PTCHD4: variants seen among roughly 807,000 people sequenced by gnomAD.
PTCHD4 encodes the protein patched domain containing 4.
Under a neutral mutation model 58.1 loss-of-function variants are expected in PTCHD4, and 33 were observed. That is an observed-to-expected ratio of 0.57 (90% CI 0.43 to 0.76). PTCHD4 has a LOEUF of 0.76. PTCHD4 is among the 30% of genes least tolerant of loss of function. PTCHD4 has a pLI of 0.00. For missense variants in PTCHD4, 1,058 were observed against 1,027.1 expected (o/e 1.03, Z -0.41); for synonymous variants, 478 against 409.6 (o/e 1.17, Z -2.02).
intron 4 of PTCHD4, among the ~76,000 whole-genome samples, chr6:48,006,234 G>A (rs1762435105): frequency 6.6e-6 from 1 of 152,188 alleles, no homozygotes; most frequent in South Asian, 2.1e-4. Context: ...TGGGAGAGGT[G>A]CAAAGTGTGT....
At chr6:48,067,048 A>G (rs1764823253) in intron 3 of PTCHD4, among the ~76,000 whole-genome samples, 1 of 152,148 alleles carries the variant, frequency 6.6e-6, no homozygotes, top group Non-Finnish European at 1.5e-5. Flanking sequence ...CTTCACATAC[A>G]TTAAAAAAAT....
rs539651059 is a variant in PTCHD4, at chr6:47,916,122, A to G, written c.899-36186T>C. On this transcript the variant is annotated intron_variant, in intron 4 of 4. Coordinates refer to ENST00000339488, the MANE Select transcript of PTCHD4 (RefSeq NM_001384253.1). ...ACAAAGTGCTGAAGGCTGCTGGAGG[A>G]CCTGACATCAGTGGAGTGAGAAGGG... Among the ~76,000 whole-genome samples the G allele has an allele frequency of 7.9e-5, 12 of 152,208 alleles. No homozygotes were observed. The East Asian group carries it at 2.3e-3, about 29-fold the overall frequency.
At position 47,858,981 on chromosome 6, in the gene PTCHD4, A is replaced by G. The variant is rs1462025225; in HGVS notation, c.*19322T>C. On this transcript the variant is annotated 3_prime_UTR_variant, in exon 5 of 5. Coordinates refer to ENST00000339488, the MANE Select transcript of PTCHD4 (RefSeq NM_001384253.1). ...AAGCATCTGTTTTTGAGACTAATCA[A>G]TGAATCATTAATGTGAGCTTGGAAA... Among the ~76,000 whole-genome samples, 1 of 152,086 alleles carries G rather than the reference A, an allele frequency of 6.6e-6. No homozygotes were observed. The highest frequency in any genetic ancestry group is 1.5e-5 in the Non-Finnish European group (1 of 67,986).
intron 4 of PTCHD4, among the ~76,000 whole-genome samples, chr6:47,939,480 C>A (rs1158930580): frequency 2.0e-5 from 3 of 151,924 alleles, no homozygotes; most frequent in Non-Finnish European, 4.4e-5. Flanking sequence ...GACCCAGAAG[C>A]GAGTAGTGGA....
chr6:48,108,920 T>C (rs1257324904), intron 1 of PTCHD4, among the ~76,000 whole-genome samples: 2 of 151,824 alleles, frequency 1.3e-5, no homozygotes, highest in Admixed American at 6.6e-5. Context: ...AATTCACTAA[T>C]AACATTATGA....
At chr6:47,980,960 T>C (rs931755264) in intron 4 of PTCHD4, among the ~76,000 whole-genome samples, 2 of 152,094 alleles carry the variant, frequency 1.3e-5, no homozygotes, top group Non-Finnish European at 2.9e-5. Flanking sequence ...GTTTACTCCA[T>C]TGGAGTTTTT....
intron 1 of PTCHD4, among the ~76,000 whole-genome samples, chr6:48,103,117 G>C (rs1765643006): frequency 6.6e-6 from 1 of 152,224 alleles, no homozygotes; most frequent in Non-Finnish European, 1.5e-5. Context: ...GGTTCTCCCA[G>C]CATGCAGCTT....
chr6:47,990,109 T>C (rs1446470753), intron 4 of PTCHD4, among the ~76,000 whole-genome samples: 2 of 152,090 alleles, frequency 1.3e-5, no homozygotes, highest in Non-Finnish European at 2.9e-5. Flanking sequence ...CCCTGCTGGA[T>C]TTCAGACCCC....
At chr6:47,882,159 G>C (rs1764036044) in intron 4 of PTCHD4, among the ~76,000 whole-genome samples, 1 of 152,086 alleles carries the variant, frequency 6.6e-6, no homozygotes, top group South Asian at 2.1e-4. Flanking sequence ...TCTTTAATGA[G>C]AGCATCTCTC....
In PTCHD4 at chr6:47,864,923, TTTATG is replaced by T. The variant is rs1763518908; in HGVS notation, c.*13375_*13379del. On this transcript the variant is annotated 3_prime_UTR_variant, in exon 5 of 5. Transcript: ENST00000339488. The stretch of plus-strand genomic sequence containing the variant: ...TGACATAACATTGCAATACTACATC[TTTATG>T]GTAGAATAAAAGCATGTGCCTTATA... Among the ~76,000 whole-genome samples the T allele has an allele frequency of 3.9e-4, 7 of 17,844 alleles. No individual in the cohort carries two copies. The highest frequency in any genetic ancestry group is 3.9e-3 in the South Asian group (2 of 510). 11.7% of individuals were successfully genotyped at this position (17,844 alleles called of 152,430 possible).
chr6:47,939,812 CAAAG>C (rs1766140829), intron 4 of PTCHD4, among the ~76,000 whole-genome samples: 1 of 152,072 alleles, frequency 6.6e-6, no homozygotes, highest in South Asian at 2.1e-4. Flanking sequence ...ATTTATTAAA[CAAAG>C]AACAAAATTC....
intron 4 of PTCHD4, among the ~76,000 whole-genome samples, chr6:47,926,526 C>T (rs1765621126): frequency 6.6e-6 from 1 of 152,184 alleles, no homozygotes; most frequent in African/African-American, 2.4e-5. Flanking sequence ...TCTCAGGCCC[C>T]ATCCAAGATC....
intron 4 of PTCHD4, among the ~76,000 whole-genome samples, chr6:47,905,372 A>G (rs1464326181): frequency 6.6e-6 from 1 of 152,180 alleles, no homozygotes; most frequent in Non-Finnish European, 1.5e-5. Context: ...AGAGATGATG[A>G]TGGTGGCTTA....
At chr6:48,001,808 T>C (rs1410974957) in intron 4 of PTCHD4, among the ~76,000 whole-genome samples, 4 of 152,064 alleles carry the variant, frequency 2.6e-5, no homozygotes, top group Non-Finnish European at 5.9e-5. Flanking sequence ...AAACTACCAT[T>C]AGCGTGAACA....
At chr6:47,925,976 ACT>A (rs1342201990) in intron 4 of PTCHD4, among the ~76,000 whole-genome samples, 3 of 151,630 alleles carry the variant, frequency 2.0e-5, no homozygotes, top group African/African-American at 7.3e-5. Context: ...GGCTTCCAAG[ACT>A]CTCGCAAATG....
At chr6:48,088,814 C>G (rs536078520) in intron 1 of PTCHD4, among the ~76,000 whole-genome samples, 4 of 152,100 alleles carry the variant, frequency 2.6e-5, no homozygotes, top group Admixed American at 1.3e-4. Flanking sequence ...GAGGCCGAGG[C>G]GGGTGGATTA....
rs1352698652 is a variant in PTCHD4, at chr6:47,906,205, C to T, written c.899-26269G>A. On this transcript the variant is annotated intron_variant, in intron 4 of 4. Transcript: ENST00000339488. ...GCCATTCCAAGAGTGCCTACACACACGAAGAGTTTAATGAATATTAGTTAA... is the reference window on the plus strand; with the variant it reads ...GCCATTCCAAGAGTGCCTACACACATGAAGAGTTTAATGAATATTAGTTAA... Among the ~76,000 whole-genome samples, 7 of 152,238 alleles carry T rather than the reference C, an allele frequency of 4.6e-5. No individual in the cohort carries two copies. The Middle Eastern group carries it at 0.01, about 222-fold the overall frequency.
At chr6:47,915,213 T>C (rs1765207014) in intron 4 of PTCHD4, among the ~76,000 whole-genome samples, 2 of 152,010 alleles carry the variant, frequency 1.3e-5, no homozygotes, top group Admixed American at 1.3e-4. Context: ...ATATGGATTG[T>C]AAAAGCTGAT....
chr6:48,088,918 G>A (rs752962602), intron 1 of PTCHD4, among the ~76,000 whole-genome samples: 3 of 152,084 alleles, frequency 2.0e-5, no homozygotes, highest in African/African-American at 7.2e-5. Flanking sequence ...GGTGGCGGGC[G>A]CCTGTAATGC....
Sources: allele counts gnomAD v4.1 joint callset (sites outside exome capture counted in the v4.1 genomes callset), GRCh38; gene constraint gnomAD v4.1.1; transcripts MANE v1.5; gene names NCBI Gene and HGNC (gene_info 2026-07-23, HGNC 2026-07-21).